BCL2L14: variants seen among roughly 807,000 people sequenced by gnomAD.
The protein encoded by BCL2L14 is apoptosis facilitator Bcl-2-like protein 14.
In BCL2L14, 27 loss-of-function variants were observed where a neutral mutation model predicts 35.3. The observed-to-expected ratio is 0.76, with a 90% confidence interval of 0.56 to 1.05. The LOEUF (loss-of-function observed/expected upper bound fraction) is 1.05, where lower values mean the gene tolerates loss of function less well. Ranked by LOEUF, BCL2L14 falls within the 50% of genes least tolerant of loss-of-function variation. The pLI is 0.00. For synonymous variants in BCL2L14, 139 were observed against 145.9 expected (o/e 0.95, Z 0.34); for missense variants, 377 against 382.6 (o/e 0.99, Z 0.12).
chr12:12,057,935 T>C (rs970251472), intron 2 of BCL2L14, among the ~76,000 whole-genome samples: 2 of 124,262 alleles, frequency 1.6e-5, no homozygotes, highest in Admixed American at 1.9e-4. Flanking sequence ...CTTAAGTCTT[T>C]TGTGTGTTTG....
At chr12:12,088,408 A>C (rs11054676) in intron 3 of BCL2L14, among the ~76,000 whole-genome samples, 14,654 of 151,910 alleles carry the variant, frequency 0.096, 848 homozygotes, top group Non-Finnish European at 0.12. Context: ...GCCCAGCGCC[A>C]TGTTGTCTGC....
intron 5 of BCL2L14, chr12:12,095,346 G>A (rs885637): frequency 0.29 from 284,890 of 985,118 alleles, 42,235 homozygotes; most frequent in Middle Eastern, 0.35. Flanking sequence ...GCCTCATGCA[G>A]AGACTCAGGG....
chr12:12,080,526 A>C (rs765824969), intron 2 of BCL2L14, among the ~76,000 whole-genome samples: 1 of 151,546 alleles, frequency 6.6e-6, no homozygotes, highest in Non-Finnish European at 1.5e-5. Context: ...AGGCTGGGGC[A>C]AGAGAATCGC....
At chr12:12,053,944 T>G (rs577754926) in intron 2 of BCL2L14, among the ~76,000 whole-genome samples, 1 of 152,218 alleles carries the variant, frequency 6.6e-6, no homozygotes, top group African/African-American at 2.4e-5. Context: ...CAATTCTAGG[T>G]TTTAGCTTAT....
At chr12:12,088,867 A>T (rs1472704548) in intron 3 of BCL2L14, among the ~76,000 whole-genome samples, 4 of 149,810 alleles carry the variant, frequency 2.7e-5, no homozygotes, top group African/African-American at 7.4e-5. Flanking sequence ...GGAGAGGAGG[A>T]GGCCTCTGAG....
At chr12:12,092,125 C>T (rs956939116) in intron 4 of BCL2L14, among the ~76,000 whole-genome samples, 4 of 152,298 alleles carry the variant, frequency 2.6e-5, no homozygotes, top group Admixed American at 1.3e-4. Context: ...GTGGCTCTCA[C>T]GGCAACCTCC....
rs1473390156 is a variant in BCL2L14 at position 12,079,619 on chromosome 12, C to T, written c.314C>T (p.Ser105Leu). 3.7e-6 allele frequency: 6 copies of T among 1,614,184 alleles called. No individual in the cohort carries two copies. The highest frequency in any genetic ancestry group is 1.1e-5 in the South Asian group (1 of 91,084). ...AFFGVVEKED[S>L]QSTPAKVSAQ... Reference sequence around the variant, plus strand: ...TTTGGAGTAGTGGAGAAGGAAGATTCGCAGAGCACGCCTGCCAAGGTCTCT... The same window carrying T: ...TTTGGAGTAGTGGAGAAGGAAGATTTGCAGAGCACGCCTGCCAAGGTCTCT... The change falls in exon 2 of 6, where the codon TCG becomes TTG. Residue 105 changes from serine (S) to leucine (L), a missense_variant. By Grantham distance (145) the Ser-to-Leu change is moderately radical. Coordinates refer to ENST00000308721, the MANE Select transcript of BCL2L14 (RefSeq NM_138723.2).
intron 3 of BCL2L14, among the ~76,000 whole-genome samples, chr12:12,089,851 T>C (rs1949140136): frequency 6.6e-6 from 1 of 152,182 alleles, no homozygotes; most frequent in African/African-American, 2.4e-5. Context: ...AAAGAATAAA[T>C]TTTAGTCAGA....
chr12:12,050,446 A>AG (rs1555084677), intron 1 of BCL2L14, among the ~76,000 whole-genome samples: 21 of 60,654 alleles, frequency 3.5e-4, no homozygotes, highest in African/African-American at 1.0e-3. Context: ...AAAAAAAAAA[A>AG]AAAGAAAAGA....
At chr12:12,056,082 T>C (rs1281601394) in intron 2 of BCL2L14, among the ~76,000 whole-genome samples, 1 of 151,288 alleles carries the variant, frequency 6.6e-6, no homozygotes, top group South Asian at 2.1e-4. Context: ...TGACTCCCAA[T>C]GTTTCCCCTT....
At chr12:12,075,825 G>C (rs1948769258) in intron 1 of BCL2L14, among the ~76,000 whole-genome samples, 1 of 152,014 alleles carries the variant, frequency 6.6e-6, no homozygotes, top group African/African-American at 2.4e-5. Flanking sequence ...TTGTCTTGCA[G>C]AACTTACCAG....
intron 2 of BCL2L14, among the ~76,000 whole-genome samples, chr12:12,085,148 C>G (rs1378715794): frequency 6.6e-6 from 1 of 151,096 alleles, no homozygotes; most frequent in Non-Finnish European, 1.5e-5. Context: ...TAATTTTGTA[C>G]CTGTTGGTGA....
intron 2 of BCL2L14, among the ~76,000 whole-genome samples, chr12:12,061,193 G>A (rs528616461): frequency 3.6e-4 from 54 of 150,114 alleles, no homozygotes; most frequent in South Asian, 3.3e-3. Context: ...CTATTCCTGG[G>A]CTACAGCCAC....
chr12:12,079,615 G>T lies in BCL2L14; in HGVS notation c.310G>T (p.Asp104Tyr). The change falls in exon 2 of 6, where the codon GAT (aspartate) becomes TAT (tyrosine). Residue 104 changes from aspartate to tyrosine, a missense_variant. Physicochemically the swap from Asp to Tyr is radical, Grantham distance 160. Transcript: ENST00000308721. ...ATTCTTTGGAGTAGTGGAGAAGGAA[G>T]ATTCGCAGAGCACGCCTGCCAAGGT... ...KAFFGVVEKE[D>Y]SQSTPAKVSA... 1 of 1,614,206 alleles carries T rather than the reference G, an allele frequency of 6.2e-7. No individual in the cohort carries two copies. Among genetic ancestry groups the T allele is most frequent in the Non-Finnish European group, 8.5e-7 (1 of 1,180,052 alleles).
chr12:12,085,582 C>A (rs1949024319), intron 2 of BCL2L14, among the ~76,000 whole-genome samples: 2 of 152,184 alleles, frequency 1.3e-5, no homozygotes, highest in South Asian at 2.1e-4. Flanking sequence ...GTTTTTGAAC[C>A]CTGTGGACTA....
chr12:12,065,807 T>C (rs1948587122), intron 2 of BCL2L14, among the ~76,000 whole-genome samples: 1 of 151,722 alleles, frequency 6.6e-6, no homozygotes, highest in Admixed American at 6.6e-5. Flanking sequence ...TTTTTTTTTT[T>C]TTGAGGCGAA....
chr12:12,086,585 G>A (rs547369011), intron 2 of BCL2L14, among the ~76,000 whole-genome samples: 30 of 152,218 alleles, frequency 2.0e-4, no homozygotes, highest in Non-Finnish European at 3.7e-4. Context: ...CTTGAAGGCC[G>A]TAAGTTGTGC....
At chr12:12,077,945 T>A (rs1222701868) in intron 1 of BCL2L14, 1 of 436,394 alleles carries the variant, frequency 2.3e-6, no homozygotes, top group Non-Finnish European at 4.6e-6. Context: ...AGAACTGCTT[T>A]CCTAGCAGGA....
chr12:12,056,024 C>A (rs1054571653), intron 2 of BCL2L14, among the ~76,000 whole-genome samples: 1 of 152,152 alleles, frequency 6.6e-6, no homozygotes, highest in African/African-American at 2.4e-5. Flanking sequence ...GATCACCCTG[C>A]CTGGTCTTCA....
Sources: allele counts gnomAD v4.1 joint callset (sites outside exome capture counted in the v4.1 genomes callset), GRCh38; gene constraint gnomAD v4.1.1; transcripts MANE v1.5; gene names NCBI Gene and HGNC (gene_info 2026-07-23, HGNC 2026-07-21).